Variants in PCNX2 observed in about 807,000 individuals in gnomAD.
PCNX2 encodes the protein pecanex-like protein 2.
Under a neutral mutation model 223.8 loss-of-function variants are expected in PCNX2, and 168 were observed. That is an observed-to-expected ratio of 0.75 (90% CI 0.66 to 0.85). The LOEUF (loss-of-function observed/expected upper bound fraction) is 0.85. PCNX2 is among the 40% of genes least tolerant of loss of function. The pLI, the probability that PCNX2 is intolerant of heterozygous loss-of-function variation, is 0.00. For synonymous variants in PCNX2, 1,006 were observed against 1,052.6 expected, an observed-to-expected ratio of 0.96 and a Z score of 0.86; for missense variants, 2,507 against 2,675.5, an observed-to-expected ratio of 0.94 and a Z score of 1.39.
chr1:232,997,869 C>T (rs778672685), intron 32 of PCNX2, among the ~76,000 whole-genome samples: 25 of 152,070 alleles, frequency 1.6e-4, no homozygotes, highest in Non-Finnish European at 3.2e-4. Context: ...TGTTTGTGTG[C>T]CCCACGGACA....
intron 21 of PCNX2, among the ~76,000 whole-genome samples, chr1:233,099,877 T>C (rs906272221): frequency 7.2e-5 from 11 of 152,304 alleles, no homozygotes; most frequent in African/African-American, 2.6e-4. Flanking sequence ...AGCACTATAA[T>C]ATTGTATTGA....
intron 13 of PCNX2, among the ~76,000 whole-genome samples, chr1:233,206,730 G>A (rs1178566830): frequency 6.6e-6 from 1 of 152,044 alleles, no homozygotes; most frequent in Non-Finnish European, 1.5e-5. Context: ...GCATTAAGAA[G>A]CTATTCTGGC....
intron 23 of PCNX2, chr1:233,086,957 CAG>C: frequency 2.2e-6 from 2 of 897,994 alleles, no homozygotes; most frequent in Non-Finnish European, 2.7e-6. Flanking sequence ...TATGTGTGGG[CAG>C]AGAGTAGCAA....
Position 233,058,037 on chromosome 1 carries a change from AACC to A in PCNX2, c.4077-750_4077-748del, listed in dbSNP as rs1672255901. On this transcript the variant is annotated intron_variant, in intron 23 of 33. Transcript: ENST00000258229. ...ACTCTTATAGACCTTTCTTAGGTTG[AACC>A]ATGAGAATGAAAGCTCTCGGATCAT... 4 of 985,290 alleles carry A rather than the reference AACC, an allele frequency of 4.1e-6. No individual in the cohort carries two copies. In the Admixed American group the frequency reaches 2.5e-4, roughly 61 times the overall value. The allele number at this position is 985,290 out of a possible 1,614,324, so 61.0% of individuals were successfully genotyped here. A position where few individuals can be genotyped will look rare whatever the true frequency, so the allele number is the denominator to read the frequency against.
chr1:233,290,623 C>T (rs1007480639), intron 1 of PCNX2: 1 of 547,946 alleles, frequency 1.8e-6, no homozygotes, highest in Non-Finnish European at 2.3e-6. Flanking sequence ...CACCAATTAG[C>T]TGTAATAACA....
chr1:233,006,045 C>T (rs543723334), intron 28 of PCNX2, among the ~76,000 whole-genome samples: 5 of 152,174 alleles, frequency 3.3e-5, no homozygotes, highest in East Asian at 1.9e-4. Flanking sequence ...TGAAAAAACT[C>T]GGCACATGTG....
At chr1:233,114,679 G>A (rs1209538138) in intron 21 of PCNX2, among the ~76,000 whole-genome samples, 1 of 152,200 alleles carries the variant, frequency 6.6e-6, no homozygotes, top group Non-Finnish European at 1.5e-5. Context: ...AGCGGTCACA[G>A]AAAACTCTGG....
Position 233,000,383 on chromosome 1 carries a change from C to G in PCNX2, c.5250G>C (p.Arg1750=), listed in dbSNP as rs1670040251. The G allele has an allele frequency of 6.2e-7, 1 of 1,612,760 alleles. No homozygotes were observed. The highest frequency in any genetic ancestry group is 8.5e-7 in the Non-Finnish European group (1 of 1,179,136). Residue 1750 remains arginine, a synonymous_variant, in exon 30 of 34, where the codon CGG becomes CGC. Transcript: ENST00000258229. This position sits in a 1 kb window ranked among gnomAD's most constrained non-coding sequence, Gnocchi z 4.6. Reference sequence around the variant, plus strand: ...CGTCGGCACCCTCGTCCACCACGTGCCGCAGGGTGAGCAGCTCTTCCTTGT... The same window carrying G: ...CGTCGGCACCCTCGTCCACCACGTGGCGCAGGGTGAGCAGCTCTTCCTTGT... The part of the protein sequence containing the change: ...LSNKEELLTL[R]HVVDEGADEY...
chr1:232,993,164 T>C (rs1184024268), intron 32 of PCNX2, among the ~76,000 whole-genome samples: 1 of 152,082 alleles, frequency 6.6e-6, no homozygotes. Context: ...GGCAGATGAG[T>C]GAAAGTTTGG....
At chr1:233,104,100 A>G (rs984569734) in intron 21 of PCNX2, among the ~76,000 whole-genome samples, 1 of 152,194 alleles carries the variant, frequency 6.6e-6, no homozygotes, top group Non-Finnish European at 1.5e-5. Flanking sequence ...CATTTTGTTC[A>G]ATAGATGGTA....
At chr1:233,303,859 T>G in the PCNX2 span, among the ~76,000 whole-genome samples, 1 of 152,224 alleles carries the variant, frequency 6.6e-6, no homozygotes, top group South Asian at 2.1e-4. Context: ...TTAACTTTTC[T>G]GTGTCTTTAT....
chr1:233,067,403 A>AAAAAAAAAAAAAC, intron 23 of PCNX2, among the ~76,000 whole-genome samples: 1 of 121,546 alleles, frequency 8.2e-6, no homozygotes, highest in Non-Finnish European at 1.7e-5. Flanking sequence ...AAAAAAAAAA[A>AAAAAAAAAAAAAC]AGCAAGACTT....
At position 233,220,758 on chromosome 1, in the gene PCNX2, G is replaced by A. The variant is rs375846135; in HGVS notation, c.2505-2574C>T. ...TGAAAAAATGAGGGAAAAAGAACCCGAATCTAATGCTGACACCTGATGCTT... is the reference window on the plus strand; with the variant it reads ...TGAAAAAATGAGGGAAAAAGAACCCAAATCTAATGCTGACACCTGATGCTT... On this transcript the variant is annotated intron_variant, in intron 10 of 33. Transcript: ENST00000258229. Among the ~76,000 whole-genome samples, 84 of 152,186 alleles carry A rather than the reference G, an allele frequency of 5.5e-4. 2 individuals are homozygous for A. In the South Asian group the frequency reaches 0.014, roughly 25 times the overall value.
chr1:233,015,607 C>T (rs577776670), intron 27 of PCNX2, among the ~76,000 whole-genome samples: 4 of 152,116 alleles, frequency 2.6e-5, no homozygotes, highest in East Asian at 3.9e-4. Context: ...GCAGGAGAGT[C>T]GCTGGAACCC....
chr1:233,050,130 C>A (rs539876632), intron 25 of PCNX2, among the ~76,000 whole-genome samples: 2 of 151,884 alleles, frequency 1.3e-5, no homozygotes, highest in Non-Finnish European at 2.9e-5. Flanking sequence ...GGAGAAATAC[C>A]TAATGTAGAT....
intron 21 of PCNX2, among the ~76,000 whole-genome samples, chr1:233,104,255 G>A (rs568331421): frequency 6.0e-4 from 91 of 151,986 alleles, no homozygotes; most frequent in Middle Eastern, 3.4e-3. Context: ...CAGACTCTCG[G>A]TCTGCCTTAA....
At chr1:233,049,441 T>G (rs1195076514) in intron 25 of PCNX2, among the ~76,000 whole-genome samples, 1 of 152,126 alleles carries the variant, frequency 6.6e-6, no homozygotes, top group African/African-American at 2.4e-5. Context: ...CAACATCCTT[T>G]CATGGTAAAG....
At chr1:233,213,139 C>T (rs4649446) in intron 12 of PCNX2, among the ~76,000 whole-genome samples, 23,245 of 152,176 alleles carry the variant, frequency 0.15, 1,922 homozygotes, top group East Asian at 0.21. Flanking sequence ...TATTAGCATA[C>T]TGGCATATTA....
At chr1:233,215,954 G>A (rs1682100790) in intron 12 of PCNX2, among the ~76,000 whole-genome samples, 1 of 152,230 alleles carries the variant, frequency 6.6e-6, no homozygotes, top group Non-Finnish European at 1.5e-5. Flanking sequence ...TGTATGCCAT[G>A]TGATCGTCCA....
Sources: gnomAD v4.1 joint callset for allele counts (sites outside exome capture counted in the v4.1 genomes callset) on GRCh38, gnomAD v4.1.1 for gene constraint, Gnocchi (gnomAD v3.1) non-coding constraint, MANE v1.5 for transcripts, NCBI Gene and HGNC (gene_info 2026-07-23, HGNC 2026-07-21) for gene names.